The following TTLL4 variants were observed in gnomAD, a reference collection of about 807,000 sequenced individuals.
TTLL4 encodes tubulin tyrosine ligase like 4, also known as tubulin monoglutamylase TTLL4.
In TTLL4, 85 loss-of-function variants were observed where a neutral mutation model predicts 122.7. The observed-to-expected ratio is 0.69, with a 90% confidence interval of 0.58 to 0.83. TTLL4 has a LOEUF of 0.83. Among genes scored for constraint, TTLL4 ranks in the 40% least tolerant of loss-of-function variants. The pLI, the probability that TTLL4 is intolerant of heterozygous loss-of-function variation, is 0.00. For missense variants in TTLL4, 1,363 were observed against 1,488.6 expected (o/e 0.92, Z 1.39); for synonymous variants, 553 against 563.0 (o/e 0.98, Z 0.25).
At chr2:218,746,052 A>G in intron 7 of TTLL4, 103 bp from the exon 8 acceptor site, 1 of 1,419,016 alleles carries the variant, frequency 7.0e-7, no homozygotes, top group Non-Finnish European at 9.9e-7. Flanking sequence ...CAACTCTTTG[A>G]AAACCAAGTC....
rs1258057281 is a variant in TTLL4 at position 218,754,248 on chromosome 2, G to A, written c.3459G>A (p.Lys1153=). 6.2e-7 allele frequency: 1 copy of A among 1,614,138 alleles called. No homozygotes were observed. Among genetic ancestry groups the A allele is most frequent in the South Asian group, 1.1e-5 (1 of 91,076 alleles). Residue 1153 remains lysine (K), a synonymous_variant, in exon 20 of 20, where the codon AAG becomes AAA. Transcript: ENST00000392102. ...SPYPQKPSSS[K]DSEDTSKEPS... ...ATCCCCAGAAACCCAGTTCCTCAAA[G>A]GACAGTGAGGACACCAGCAAAGAGC...
chr2:218,747,430 C>A lies in TTLL4; in HGVS notation c.2249+58C>A. ...CTCCCACCTCCTTGGCCTCGAGGTT[C>A]CCTTCTTACAATGTTCTGCCCTTTG... On this transcript the variant is annotated intron_variant, in intron 10 of 19. Transcript: ENST00000392102. This position sits in a 1 kb window ranked among gnomAD's most constrained non-coding sequence, Gnocchi z 4.7. 1 of 1,593,270 alleles carries A rather than the reference C, an allele frequency of 6.3e-7. No individual in the cohort carries two copies. The highest frequency in any genetic ancestry group is 8.6e-7 in the Non-Finnish European group (1 of 1,166,924).
chr2:218,715,422 TTGAC>T (rs984056014), intron 1 of TTLL4, among the ~76,000 whole-genome samples: 9 of 152,330 alleles, frequency 5.9e-5, no homozygotes, highest in African/African-American at 2.2e-4. Flanking sequence ...CTGTCTCACT[TTGAC>T]TGGGTCTTAG....
intron 2 of TTLL4, among the ~76,000 whole-genome samples, chr2:218,734,800 A>C (rs1942472059): frequency 6.6e-6 from 1 of 152,184 alleles, no homozygotes; most frequent in African/African-American, 2.4e-5. Context: ...TTTTGAGTGT[A>C]CTTAATACAC....
chr2:218,736,849 C>CTTTT (rs776690140), intron 2 of TTLL4, among the ~76,000 whole-genome samples: 5 of 139,438 alleles, frequency 3.6e-5, no homozygotes, highest in Non-Finnish European at 6.2e-5. Flanking sequence ...TTCAGATCGT[C>CTTTT]TTTTTTTTTT....
intron 13 of TTLL4, 83 bp from the exon 14 acceptor site, chr2:218,749,170 T>G: frequency 6.4e-7 from 1 of 1,566,722 alleles, no homozygotes; most frequent in Non-Finnish European, 8.7e-7. Flanking sequence ...TGCCTATCTC[T>G]GGGCCACTCT....
At chr2:218,739,250 G>T in intron 3 of TTLL4, 87 bp downstream of exon 3, 1 of 1,470,758 alleles carries the variant, frequency 6.8e-7, no homozygotes, top group South Asian at 1.4e-5. Context: ...ACCTCTGAAG[G>T]TTGGTTTTAT....
downstream of TTLL4, among the ~76,000 whole-genome samples, chr2:218,758,084 CTCATTT>C: frequency 6.6e-6 from 1 of 152,180 alleles, no homozygotes; most frequent in Non-Finnish European, 1.5e-5. Flanking sequence ...TCTATGCCAG[CTCATTT>C]GGCTTGCCCC....
chr2:218,747,120 A>T lies in TTLL4; in HGVS notation c.2092A>T (p.Ile698Phe). 1.9e-6 allele frequency: 3 copies of T among 1,614,166 alleles called. No individual in the cohort carries two copies. The highest frequency in any genetic ancestry group is 2.5e-6 in the Non-Finnish European group (3 of 1,180,028). Residue 698 changes from isoleucine (I) to phenylalanine (F), a missense_variant, in exon 9 of 20, where the codon ATC (isoleucine) becomes TTC (phenylalanine). Around this residue, in one of 3 missense-constraint regions of TTLL4, gnomAD observed 596 missense variants for 655.8 expected, o/e 0.91. Coordinates refer to ENST00000392102, the MANE Select transcript of TTLL4 (RefSeq NM_014640.5). The surrounding 1 kb of genome is among the most constrained non-coding windows in gnomAD (Gnocchi z 4.7). ...KEFSFFPQSFILPQDAKLLRK... is the reference protein window; with the variant it reads ...KEFSFFPQSFFLPQDAKLLRK... ...GTTCAGTTTCTTCCCCCAGTCCTTT[A>T]TCCTGCCCCAGGACGCCAAGCTCCT... is the stretch of plus-strand genomic sequence containing the variant.
chr2:218,746,100 C>CT, intron 7 of TTLL4, 55 bp from the exon 8 acceptor site: 1 of 1,606,902 alleles, frequency 6.2e-7, no homozygotes, highest in Non-Finnish European at 8.5e-7. Context: ...CTGGGCCTCT[C>CT]TCTGTCCCTG....
intron 6 of TTLL4, 200 bp downstream of exon 6, chr2:218,745,433 C>T: frequency 1.4e-6 from 1 of 691,766 alleles, no homozygotes; most frequent in Non-Finnish European, 2.4e-6. Flanking sequence ...CCCTTTTCAG[C>T]CTTGCCATGT....
intron 1 of TTLL4, among the ~76,000 whole-genome samples, chr2:218,721,017 ATGAATGTACC>A (rs1261291925): frequency 6.6e-6 from 1 of 152,220 alleles, no homozygotes; most frequent in East Asian, 1.9e-4. Flanking sequence ...TGTTGAGCAC[ATGAATGTACC>A]TGGCACTCCC....
At position 218,754,379 on chromosome 2, in the gene TTLL4, T is replaced by G. The variant is rs1324627173; in HGVS notation, c.3590T>G (p.Val1197Gly). ...TCAATCAGTGACTCCCTCCTGGCTG[T>G]GAGCCCATAACTGGCCTCTCTCCAA... ...FQSISDSLLA[V>G]SP The change falls in exon 20 of 20, where the codon GTG becomes GGG. Residue 1197 changes from valine to glycine, a missense_variant. Val to Gly is a moderately radical substitution (Grantham distance 109). This residue lies in a region of TTLL4 where 596 missense variants were observed against 655.8 expected (regional missense o/e 0.91). Transcript: ENST00000392102. 2.5e-6 allele frequency: 4 copies of G among 1,614,196 alleles called. No homozygotes were observed. The highest frequency in any genetic ancestry group is 3.4e-6 in the Non-Finnish European group (4 of 1,180,030).
At chr2:218,716,990 G>A (rs181758490) in intron 1 of TTLL4, among the ~76,000 whole-genome samples, 2 of 151,964 alleles carry the variant, frequency 1.3e-5, no homozygotes, top group East Asian at 1.9e-4. Flanking sequence ...TAACATCTTA[G>A]GTTTTTTTCT....
At chr2:218,748,293 G>A (rs1682690456) in intron 12 of TTLL4, 66 bp downstream of exon 12, 2 of 1,600,142 alleles carry the variant, frequency 1.2e-6, no homozygotes, top group East Asian at 2.2e-5. Flanking sequence ...GGGGTTTTGG[G>A]AGGTTCAGGG....
downstream of TTLL4, among the ~76,000 whole-genome samples, chr2:218,756,813 A>C (rs1000375787): frequency 5.3e-5 from 8 of 152,124 alleles, no homozygotes; most frequent in Non-Finnish European, 1.2e-4. Context: ...CTATTTCTGG[A>C]GTAGTGGAGT....
chr2:218,738,683 T>G lies in TTLL4; in HGVS notation c.1007T>G (p.Phe336Cys). 6.2e-7 allele frequency: 1 copy of G among 1,614,216 alleles called. No individual in the cohort carries two copies. Among genetic ancestry groups the G allele is most frequent in the Non-Finnish European group, 8.5e-7 (1 of 1,180,038 alleles). Residue 336 changes from phenylalanine to cysteine, a missense_variant, in exon 3 of 20, where the codon TTC becomes TGC. Around this residue, in one of 3 missense-constraint regions of TTLL4, gnomAD observed 760 missense variants for 808.4 expected, o/e 0.94. Coordinates refer to ENST00000392102, the MANE Select transcript of TTLL4 (RefSeq NM_014640.5). ...CAGGATCCAACTAAGGAGATTCGGT[T>G]CACTGAGGCCGTGAGGAAATTGACC... ...DSQDPTKEIR[F>C]TEAVRKLTAR...
chr2:218,737,242 G>A (rs1942549717), intron 2 of TTLL4, among the ~76,000 whole-genome samples: 1 of 152,152 alleles, frequency 6.6e-6, no homozygotes, highest in Non-Finnish European at 1.5e-5. Flanking sequence ...CTCATGGAAA[G>A]TTGTGGGCGG....
At chr2:218,743,963 G>A (rs1184774808) in intron 5 of TTLL4, among the ~76,000 whole-genome samples, 1 of 152,238 alleles carries the variant, frequency 6.6e-6, no homozygotes, top group Non-Finnish European at 1.5e-5. Flanking sequence ...ACAGGCATGA[G>A]CCACTGCACC....
Sources: gnomAD v4.1 joint callset for allele counts (sites outside exome capture counted in the v4.1 genomes callset) on GRCh38, gnomAD v4.1.1 for gene constraint, gnomAD v4.1.1 regional missense constraint, Gnocchi (gnomAD v3.1) non-coding constraint, MANE v1.5 for transcripts, NCBI Gene and HGNC (gene_info 2026-07-23, HGNC 2026-07-21) for gene names.